The following AHNAK variants were observed in gnomAD, a reference collection of about 807,000 sequenced individuals.
AHNAK encodes neuroblast differentiation-associated protein AHNAK.
In AHNAK, 23 loss-of-function variants were observed where a neutral mutation model predicts 37.8. That is an observed-to-expected ratio of 0.61 (90% CI 0.44 to 0.86). The LOEUF (loss-of-function observed/expected upper bound fraction) is 0.86. Ranked by LOEUF, AHNAK falls within the 40% of genes least tolerant of loss-of-function variation. The pLI, the probability that AHNAK is intolerant of heterozygous loss-of-function variation, is 0.00. For synonymous variants in AHNAK, 2,481 were observed against 2,636.3 expected, an observed-to-expected ratio of 0.94 and a Z score of 1.80; for missense variants, 7,411 against 7,319.4, an observed-to-expected ratio of 1.01 and a Z score of -0.46.
At position 62,499,612 on chromosome 11, in the gene AHNAK, T is replaced by A. The variant is rs1032761813; in HGVS notation, c.343-7781A>T. Among the ~76,000 whole-genome samples, 7 of 152,094 alleles carry A rather than the reference T, an allele frequency of 4.6e-5. No individual in the cohort carries two copies. In the South Asian group the frequency reaches 1.5e-3, roughly 32 times the overall value. On this transcript the variant is annotated intron_variant, in intron 4 of 5. Transcript: ENST00000257247. The stretch of plus-strand genomic sequence containing the variant: ...CGGCAGCTGCGCAGCTCCTAGCCAC[T>A]CCTCCATCTCCTGGAGACTGTGAAC...
chr11:62,476,107 T>C (rs992834713), intron 5 of AHNAK, among the ~76,000 whole-genome samples: 1 of 152,162 alleles, frequency 6.6e-6, no homozygotes, highest in Non-Finnish European at 1.5e-5. Context: ...CAGGAACCGC[T>C]AATGAGCATA....
Position 62,532,347 on chromosome 11 carries a change from C to G in AHNAK, c.2070G>C (p.Met690Ile). Residue 690 changes from methionine (M) to isoleucine (I), a missense_variant, in exon 5 of 5, where the codon ATG becomes ATC. By Grantham distance (10) the Met-to-Ile change is conservative. Transcript: ENST00000378024. ...TGGAGATCTTTGGTGTCTTGACACT[C>G]ATATCAGGCAGCTTAACATCGGGGC... ...LKGPDVKLPD[M>I]SVKTPKISMP... 2.5e-6 allele frequency: 4 copies of G among 1,614,222 alleles called. No individual in the cohort carries two copies. Among genetic ancestry groups the G allele is most frequent in the Non-Finnish European group, 3.4e-6 (4 of 1,180,048 alleles).
intron 5 of AHNAK, among the ~76,000 whole-genome samples, chr11:62,483,038 C>T (rs992072148): frequency 5.3e-5 from 8 of 152,138 alleles, no homozygotes; most frequent in Admixed American, 3.3e-4. Flanking sequence ...ATCATTTGAA[C>T]GACATGGTTT....
chr11:62,453,160 A>G (rs1938578221), intron 5 of AHNAK, among the ~76,000 whole-genome samples: 1 of 152,136 alleles, frequency 6.6e-6, no homozygotes, highest in African/African-American at 2.4e-5. Flanking sequence ...TCATTAACGG[A>G]GGAATGGACA....
At chr11:62,496,698 G>A (rs1375956486) in intron 4 of AHNAK, among the ~76,000 whole-genome samples, 1 of 152,094 alleles carries the variant, frequency 6.6e-6, no homozygotes, top group African/African-American at 2.4e-5. Context: ...GGTAGGCTGA[G>A]GCAGGAGAAT....
chr11:62,496,851 G>A (rs985438671), intron 4 of AHNAK, among the ~76,000 whole-genome samples: 6 of 148,054 alleles, frequency 4.1e-5, no homozygotes, highest in African/African-American at 1.5e-4. Context: ...AGGAAGAAAG[G>A]AAGGAAAAGG....
chr11:62,469,961 G>C (rs181161528), intron 5 of AHNAK, among the ~76,000 whole-genome samples: 1 of 152,288 alleles, frequency 6.6e-6, no homozygotes, highest in East Asian at 1.9e-4. Flanking sequence ...AAACCTCATA[G>C]GGTTTAGAGA....
At chr11:62,492,082 T>G (rs1042781747) in intron 4 of AHNAK, among the ~76,000 whole-genome samples, 2 of 152,036 alleles carry the variant, frequency 1.3e-5, no homozygotes, top group African/African-American at 4.8e-5. Flanking sequence ...GCCCGGGGAA[T>G]CTCACACAAA....
At chr11:62,509,258 G>C (rs1348120204) in intron 4 of AHNAK, among the ~76,000 whole-genome samples, 3 of 151,996 alleles carry the variant, frequency 2.0e-5, no homozygotes, top group African/African-American at 7.2e-5. Flanking sequence ...AAAAAACTGA[G>C]AAACTATTAC....
intron 4 of AHNAK, among the ~76,000 whole-genome samples, chr11:62,501,994 G>A (rs1197723142): frequency 1.3e-5 from 2 of 152,208 alleles, no homozygotes; most frequent in African/African-American, 2.4e-5. Context: ...AGTGAGAGAC[G>A]TTTCAGATGC....
intron 5 of AHNAK, among the ~76,000 whole-genome samples, chr11:62,486,624 G>T (rs1249601535): frequency 6.6e-6 from 1 of 152,126 alleles, no homozygotes; most frequent in African/African-American, 2.4e-5. Flanking sequence ...GTTTCAATTG[G>T]GGAAGATGAG....
At chr11:62,433,862 G>A in exon 6 of AHNAK, 3 of 1,613,898 alleles carry the variant, frequency 1.9e-6, no homozygotes, top group Non-Finnish European at 2.5e-6. Context: ...TTAAGAGGGG[G>A]TGGTTTTCTT....
In AHNAK at chr11:62,527,636, G is replaced by T. The variant is rs144211207; in HGVS notation, c.6781C>A (p.Pro2261Thr). 4 of 1,613,852 alleles carry T rather than the reference G, an allele frequency of 2.5e-6. No homozygotes were observed. In the South Asian group the frequency reaches 4.4e-5, roughly 18 times the overall value. Reference sequence around the variant, plus strand: ...TTGGGCAAGTTCACATCCACTTCTGGGCCCTCTCCTTTGAAGCCAGGCATG... The same window carrying T: ...TTGGGCAAGTTCACATCCACTTCTGTGCCCTCTCCTTTGAAGCCAGGCATG... ...FSMPGFKGEGPEVDVNLPKAD... is the reference protein window; with the variant it reads ...FSMPGFKGEGTEVDVNLPKAD... The change falls in exon 5 of 5, where the codon CCA becomes ACA. Residue 2261 changes from proline (P) to threonine (T), a missense_variant. Coordinates refer to ENST00000378024, the MANE Select transcript of AHNAK (RefSeq NM_001620.3).
chr11:62,485,232 A>T lies in AHNAK; in HGVS notation c.442+6500T>A, dbSNP rs567902383. On this transcript the variant is annotated intron_variant, in intron 5 of 5. Coordinates refer to the AHNAK transcript ENST00000257247. ...TGGGCACCATAGTGAGACCCTGCCT[A>T]TTTACAAATAATTTTAAAAATTAGT... Among the ~76,000 whole-genome samples the T allele has an allele frequency of 5.3e-5, 8 of 152,168 alleles. No individual in the cohort carries two copies. The South Asian group carries it at 1.7e-3, about 32-fold the overall frequency.
chr11:62,443,903 C>G (rs550610642), intron 5 of AHNAK, among the ~76,000 whole-genome samples: 7 of 152,222 alleles, frequency 4.6e-5, no homozygotes, highest in South Asian at 4.1e-4. Context: ...GCCTCCTGCC[C>G]CTGGCCAGCC....
chr11:62,520,128 G>A lies in AHNAK; in HGVS notation c.14289C>T (p.Asp4763=), dbSNP rs1940180259. 1.2e-6 allele frequency: 2 copies of A among 1,612,978 alleles called. No individual in the cohort carries two copies. Among genetic ancestry groups the A allele is most frequent in the Non-Finnish European group, 1.7e-6 (2 of 1,179,818 alleles). The change falls in exon 5 of 5, where the codon GAC becomes GAT. Residue 4763 remains aspartate (D), a synonymous_variant. Coordinates refer to ENST00000378024, the MANE Select transcript of AHNAK (RefSeq NM_001620.3). ...GAACATCCACATCAGGGGTGTTGAT[G>A]TCCACTTTTGGGCCCTTGATGTCAG... ...PEADIKGPKV[D]INTPDVDVHG...
At position 62,518,816 on chromosome 11, in the gene AHNAK, C is replaced by A. The variant is rs1407345331; in HGVS notation, c.15601G>T (p.Val5201Leu). The A allele has an allele frequency of 6.2e-7, 1 of 1,614,130 alleles. No homozygotes were observed. The highest frequency in any genetic ancestry group is 1.3e-5 in the African/African-American group (1 of 74,950). The change falls in exon 5 of 5, where the codon GTA becomes TTA. Residue 5201 changes from valine to leucine, a missense_variant. Val to Leu is a conservative substitution (Grantham distance 32). Transcript: ENST00000378024. The stretch of plus-strand genomic sequence containing the variant: ...TTTATCTTTGGTCCTTTCAAGTTTA[C>A]ATTCACATCAGGGATGGAGACTTGA... ...APQVSIPDVN[V>L]NLKGPKIKGD...
Position 62,435,396 on chromosome 11 carries a change from CTTTA to C in AHNAK, c.443-1509_443-1506del, listed in dbSNP as rs1163983834. Among the ~76,000 whole-genome samples, 11 of 150,460 alleles carry C rather than the reference CTTTA, an allele frequency of 7.3e-5. No individual in the cohort carries two copies. The East Asian group carries it at 1.6e-3, about 22-fold the overall frequency. The stretch of plus-strand genomic sequence containing the variant: ...GAATTAGGCACCAGGAAAGTGAAAG[CTTTA>C]TTTATTTATTTATCTTTTTTTTTTC... On this transcript the variant is annotated intron_variant, in intron 5 of 5. Coordinates refer to the AHNAK transcript ENST00000257247.
In AHNAK at chr11:62,482,953, G is replaced by C. The variant is rs575459378; in HGVS notation, c.442+8779C>G. Among the ~76,000 whole-genome samples the C allele has an allele frequency of 5.3e-5, 8 of 152,264 alleles. No homozygotes were observed. The East Asian group carries it at 9.6e-4, about 18-fold the overall frequency. On this transcript the variant is annotated intron_variant, in intron 5 of 5. Coordinates refer to the AHNAK transcript ENST00000257247. Reference sequence around the variant, plus strand: ...CCCTTAAGAGGCCTAGGAGGAAAAAGACAGGGCAAACTATCAGGAACACAA... The same window carrying C: ...CCCTTAAGAGGCCTAGGAGGAAAAACACAGGGCAAACTATCAGGAACACAA...
Sources: allele counts gnomAD v4.1 joint callset (sites outside exome capture counted in the v4.1 genomes callset), GRCh38; gene constraint gnomAD v4.1.1; transcripts MANE v1.5; gene names NCBI Gene and HGNC (gene_info 2026-07-23, HGNC 2026-07-21).